Variants in FAM13C observed in about 807,000 individuals in gnomAD.
FAM13C encodes family with sequence similarity 13 member C, also known as protein FAM13C.
In FAM13C, 37 loss-of-function variants were observed where a neutral mutation model predicts 73.2. The ratio of observed to expected loss-of-function variants is 0.51; its 90% CI spans 0.39 to 0.67. The LOEUF (loss-of-function observed/expected upper bound fraction) is 0.67, where lower values mean the gene tolerates loss of function less well. FAM13C is among the 30% of genes least tolerant of loss of function. FAM13C has a pLI of 0.00. For synonymous variants in FAM13C, 246 were observed against 260.9 expected (o/e 0.94, Z 0.55); for missense variants, 589 against 715.6 (o/e 0.82, Z 2.02).
At chr10:59,273,674 T>C (rs1843980251) in intron 6 of FAM13C, among the ~76,000 whole-genome samples, 1 of 152,068 alleles carries the variant, frequency 6.6e-6, no homozygotes, top group Non-Finnish European at 1.5e-5. Context: ...GTTTGACCAG[T>C]GCTTGACATA....
At chr10:59,322,420 G>C (rs552571601) in intron 4 of FAM13C, among the ~76,000 whole-genome samples, 1 of 152,188 alleles carries the variant, frequency 6.6e-6, no homozygotes, top group Non-Finnish European at 1.5e-5. Flanking sequence ...CTGTGAAAGT[G>C]GGACATGAAA....
chr10:59,285,520 T>C (rs954839766), intron 5 of FAM13C, among the ~76,000 whole-genome samples: 2 of 152,198 alleles, frequency 1.3e-5, no homozygotes, highest in Admixed American at 6.5e-5. Flanking sequence ...GCTGCCACTA[T>C]GCAAAACAGA....
chr10:59,333,985 C>A (rs1305364164), intron 3 of FAM13C, among the ~76,000 whole-genome samples: 2 of 152,210 alleles, frequency 1.3e-5, no homozygotes, highest in Non-Finnish European at 2.9e-5. Flanking sequence ...TCATGTCATT[C>A]CAGCATTCCC....
At chr10:59,298,502 A>G (rs773698545) in intron 5 of FAM13C, among the ~76,000 whole-genome samples, 2 of 152,158 alleles carry the variant, frequency 1.3e-5, no homozygotes, top group Non-Finnish European at 1.5e-5. Flanking sequence ...TGATGATGAC[A>G]TAAGAGTTGG....
chr10:59,302,099 C>G (rs982821939), intron 5 of FAM13C, among the ~76,000 whole-genome samples: 34 of 152,150 alleles, frequency 2.2e-4, no homozygotes, highest in Non-Finnish European at 8.8e-5. Flanking sequence ...TGACCTTAAT[C>G]AGACGTACTA....
intron 2 of FAM13C, 84 bp downstream of exon 2, chr10:59,355,803 A>C (rs1855639570): frequency 8.1e-7 from 1 of 1,233,654 alleles, no homozygotes; most frequent in Admixed American, 1.8e-5. Flanking sequence ...AATTCAAAGA[A>C]GAGACTAGAA....
chr10:59,290,369 T>C (rs146284516), intron 5 of FAM13C, among the ~76,000 whole-genome samples: 84 of 152,322 alleles, frequency 5.5e-4, no homozygotes, highest in African/African-American at 1.9e-3. Flanking sequence ...TGATTCCCTA[T>C]GATGATATGA....
chr10:59,340,726 A>T (rs1258933870), intron 3 of FAM13C, among the ~76,000 whole-genome samples: 1 of 152,136 alleles, frequency 6.6e-6, no homozygotes, highest in Non-Finnish European at 1.5e-5. Flanking sequence ...AGTGAAAAAA[A>T]ATAAATAAAA....
At chr10:59,323,729 G>T (rs1850676418) in intron 4 of FAM13C, among the ~76,000 whole-genome samples, 1 of 152,078 alleles carries the variant, frequency 6.6e-6, no homozygotes, top group South Asian at 2.1e-4. Context: ...CCTCTCCAAG[G>T]GCAGGACCTG....
At chr10:59,317,952 T>C (rs1046382993) in intron 4 of FAM13C, among the ~76,000 whole-genome samples, 10 of 151,446 alleles carry the variant, frequency 6.6e-5, no homozygotes, top group Non-Finnish European at 1.5e-4. Context: ...TGTCCATGTG[T>C]TCTAGCAGAT....
At chr10:59,310,997 G>A (rs961756353) in intron 4 of FAM13C, among the ~76,000 whole-genome samples, 13 of 152,222 alleles carry the variant, frequency 8.5e-5, no homozygotes, top group African/African-American at 2.9e-4. Context: ...AAACGTGCAA[G>A]GGAGGAACTT....
intron 3 of FAM13C, among the ~76,000 whole-genome samples, chr10:59,344,022 C>T (rs1210977748): frequency 1.4e-5 from 2 of 146,708 alleles, no homozygotes; most frequent in African/African-American, 2.5e-5. Context: ...AGTGCAGTGG[C>T]ACGATCTCGG....
intron 5 of FAM13C, among the ~76,000 whole-genome samples, chr10:59,286,367 T>A (rs1160591443): frequency 6.6e-6 from 1 of 151,322 alleles, no homozygotes; most frequent in Non-Finnish European, 1.5e-5. Flanking sequence ...ATATAAAAAT[T>A]AGCTGGGCAT....
rs777296280 is a variant in FAM13C at position 59,270,127 on chromosome 10, A to G, written c.593-18T>C. 3.1e-6 allele frequency: 5 copies of G among 1,609,374 alleles called. No homozygotes were observed. The African/African-American group carries it at 5.3e-5, about 17-fold the overall frequency. ...TGAGGGGTCTGGGCAAATGAGACAA[A>G]TCATCAAGACTTAGAAGTGACAGAG... On this transcript the variant is annotated intron_variant, in intron 6 of 13. Coordinates refer to ENST00000618804, the MANE Select transcript of FAM13C (RefSeq NM_198215.4).
At chr10:59,264,485 C>T (rs1842824874) in intron 8 of FAM13C, among the ~76,000 whole-genome samples, 1 of 152,162 alleles carries the variant, frequency 6.6e-6, no homozygotes, top group South Asian at 2.1e-4. Context: ...TGCAGTCAAA[C>T]TGTCAATCAC....
At chr10:59,284,668 A>G (rs1337904189) in intron 5 of FAM13C, among the ~76,000 whole-genome samples, 1 of 142,976 alleles carries the variant, frequency 7.0e-6, no homozygotes, top group Non-Finnish European at 1.5e-5. Context: ...CTCACCTCCT[A>G]CTCCACACAG....
chr10:59,249,216 A>G (rs1841071920), intron 13 of FAM13C, among the ~76,000 whole-genome samples: 1 of 152,104 alleles, frequency 6.6e-6, no homozygotes, highest in South Asian at 2.1e-4. Flanking sequence ...CATCCTGGCT[A>G]ACATGGTGAA....
chr10:59,340,965 G>A (rs914340700), intron 3 of FAM13C, among the ~76,000 whole-genome samples: 3 of 152,088 alleles, frequency 2.0e-5, no homozygotes, highest in Non-Finnish European at 4.4e-5. Context: ...TAAATCAAAT[G>A]TCAGTTTCAG....
At chr10:59,293,670 G>A (rs1221119668) in intron 5 of FAM13C, among the ~76,000 whole-genome samples, 2 of 152,088 alleles carry the variant, frequency 1.3e-5, no homozygotes, top group East Asian at 1.9e-4. Flanking sequence ...ACCTTCAGAA[G>A]GCCAAAAATG....
Sources: allele counts gnomAD v4.1 joint callset (sites outside exome capture counted in the v4.1 genomes callset), GRCh38; gene constraint gnomAD v4.1.1; transcripts MANE v1.5; gene names NCBI Gene and HGNC (gene_info 2026-07-23, HGNC 2026-07-21).